The following MYT1L variants were observed in gnomAD, a reference collection of about 807,000 sequenced individuals.
The protein encoded by MYT1L is myelin transcription factor 1 like, also known as myelin transcription factor 1-like protein.
In MYT1L, 12 loss-of-function variants were observed where a neutral mutation model predicts 126.7. The observed-to-expected ratio is 0.09, with a 90% confidence interval of 0.06 to 0.15. MYT1L has a LOEUF of 0.15. Among genes scored for constraint, MYT1L ranks in the 10% least tolerant of loss-of-function variants. The pLI is 1.00. For synonymous variants in MYT1L, 541 were observed against 604.2 expected (o/e 0.90, Z 1.53); for missense variants, 979 against 1,585.2 (o/e 0.62, Z 6.49).
intron 3 of MYT1L, among the ~76,000 whole-genome samples, chr2:2,103,726 C>A (rs1287205483): frequency 6.6e-6 from 1 of 152,230 alleles, no homozygotes; most frequent in Non-Finnish European, 1.5e-5. Context: ...TCTTTTCTCA[C>A]TTATGCCCTG....
chr2:2,256,307 C>A (rs1408079794), intron 2 of MYT1L, among the ~76,000 whole-genome samples: 1 of 152,240 alleles, frequency 6.6e-6, no homozygotes, highest in Non-Finnish European at 1.5e-5. Context: ...CAGTGAGCAG[C>A]TTAGGCTTTC....
chr2:1,847,185 T>G (rs2042613225), intron 19 of MYT1L, among the ~76,000 whole-genome samples: 1 of 152,222 alleles, frequency 6.6e-6, no homozygotes, highest in Non-Finnish European at 1.5e-5. Flanking sequence ...AGCATCTCTG[T>G]GCCCGCGCAT....
At position 2,028,413 on chromosome 2, in the gene MYT1L, G is replaced by A. The variant is rs558429138; in HGVS notation, c.-158+25565C>T. 1.4e-4 allele frequency among the ~76,000 whole-genome samples: 21 copies of A among 152,276 alleles called. No homozygotes were observed. In the South Asian group the frequency reaches 3.5e-3, roughly 26 times the overall value. On this transcript the variant is annotated intron_variant, in intron 4 of 24. Coordinates refer to ENST00000647738, the MANE Select transcript of MYT1L (RefSeq NM_001303052.2). ...AATTGAAGGGACTGAATAGTAGATC[G>A]ACAGTCCTATCATTTTGAAGGTCAG...
chr2:2,008,477 T>C (rs1403629068), intron 4 of MYT1L, among the ~76,000 whole-genome samples: 1 of 152,256 alleles, frequency 6.6e-6, no homozygotes, highest in Non-Finnish European at 1.5e-5. Context: ...GACATTTTTA[T>C]TTGTTGTTTT....
At chr2:1,838,412 T>C (rs2041189922) in intron 21 of MYT1L, among the ~76,000 whole-genome samples, 1 of 152,194 alleles carries the variant, frequency 6.6e-6, no homozygotes, top group African/African-American at 2.4e-5. Flanking sequence ...GTGATTTTCG[T>C]AGAAAGTGGC....
At chr2:2,158,343 G>A (rs759606396) in intron 3 of MYT1L, among the ~76,000 whole-genome samples, 2 of 152,140 alleles carry the variant, frequency 1.3e-5, no homozygotes, top group East Asian at 1.9e-4. Flanking sequence ...GCAGACTCCC[G>A]GGGAGCTGTG....
chr2:2,032,168 G>C (rs1451516731), intron 4 of MYT1L, among the ~76,000 whole-genome samples: 1 of 96,086 alleles, frequency 1.0e-5, no homozygotes, highest in African/African-American at 4.9e-5. Flanking sequence ...CACACCCGTT[G>C]CCAGTGCCTC....
chr2:2,181,695 G>GTC lies in MYT1L; in HGVS notation c.-420-8708_-420-8707insGA, dbSNP rs576834009. Among the ~76,000 whole-genome samples the GTC allele has an allele frequency of 2.7e-4, 41 of 152,302 alleles. No homozygotes were observed. The East Asian group carries it at 7.3e-3, about 27-fold the overall frequency. ...TGCCAAGGACTGGGGGTGCTCCCCT[G>GTC]CTCTCTAAACCTGCAGCCTTTTCCT... On this transcript the variant is annotated intron_variant, in intron 2 of 24. Transcript: ENST00000647738.
chr2:2,033,719 G>C (rs936703107), intron 4 of MYT1L, among the ~76,000 whole-genome samples: 3 of 152,166 alleles, frequency 2.0e-5, no homozygotes, highest in Non-Finnish European at 4.4e-5. Flanking sequence ...CAACTCTCCA[G>C]GGACGGTGAT....
chr2:1,825,997 C>A (rs915761495), intron 21 of MYT1L: 9 of 152,226 alleles, frequency 5.9e-5, no homozygotes, highest in African/African-American at 2.2e-4. Flanking sequence ...GACCTGGGGG[C>A]CTCATCCGCG....
chr2:2,282,517 G>T (rs1475504641), intron 2 of MYT1L, among the ~76,000 whole-genome samples: 1 of 152,140 alleles, frequency 6.6e-6, no homozygotes, highest in Non-Finnish European at 1.5e-5. Context: ...AATGAAGCAG[G>T]ATTGTAAAGA....
rs1219080572 is a variant in MYT1L at position 1,943,969 on chromosome 2, G to T, written c.153-635C>A. Among the ~76,000 whole-genome samples the T allele has an allele frequency of 6.6e-6, 1 of 152,084 alleles. No homozygotes were observed. Among genetic ancestry groups the T allele is most frequent in the Non-Finnish European group, 1.5e-5 (1 of 68,008 alleles). ...CAGTCTTAGATGTTATTAGTCCCAC[G>T]CCAGCATTCCAGAAAACAACTTCAG... On this transcript the variant is annotated intron_variant, in intron 8 of 24. Coordinates refer to ENST00000647738, the MANE Select transcript of MYT1L (RefSeq NM_001303052.2). The surrounding 1 kb of genome is among the most constrained non-coding windows in gnomAD (Gnocchi z 4.4).
At chr2:2,096,162 G>C (rs890147296) in intron 3 of MYT1L, among the ~76,000 whole-genome samples, 3 of 152,240 alleles carry the variant, frequency 2.0e-5, no homozygotes, top group African/African-American at 4.8e-5. Flanking sequence ...TCAGAAGAAA[G>C]AGACATTGAA....
chr2:2,121,397 G>T (rs1203705274), intron 3 of MYT1L, among the ~76,000 whole-genome samples: 2 of 151,954 alleles, frequency 1.3e-5, no homozygotes, highest in Non-Finnish European at 2.9e-5. Context: ...GGCTGGTCTT[G>T]GACTCCTGAC....
intron 1 of MYT1L, among the ~76,000 whole-genome samples, chr2:2,299,120 G>T (rs1373799382): frequency 1.2e-4 from 18 of 152,180 alleles, no homozygotes; most frequent in Admixed American, 1.2e-3. Flanking sequence ...CCAAAGTGCT[G>T]GGATTACAGG....
At chr2:1,956,980 G>A (rs962487790) in intron 8 of MYT1L, among the ~76,000 whole-genome samples, 7 of 152,274 alleles carry the variant, frequency 4.6e-5, no homozygotes, top group South Asian at 2.1e-4. Flanking sequence ...TCTGCAGCCC[G>A]TGGCTCTGTG....
chr2:2,163,625 G>A (rs1451122423), intron 3 of MYT1L, among the ~76,000 whole-genome samples: 18 of 151,664 alleles, frequency 1.2e-4, no homozygotes, highest in Non-Finnish European at 1.8e-4. Context: ...CCAGCTACTC[G>A]GGAGGCTGAG....
chr2:1,901,814 C>T (rs1235779152), intron 14 of MYT1L, among the ~76,000 whole-genome samples: 1 of 152,152 alleles, frequency 6.6e-6, no homozygotes, highest in Non-Finnish European at 1.5e-5. Context: ...CATGAGCCAC[C>T]ATGCCCGGCT....
chr2:2,132,429 G>A (rs928210682), intron 3 of MYT1L, among the ~76,000 whole-genome samples: 6 of 152,160 alleles, frequency 3.9e-5, no homozygotes, highest in Admixed American at 2.6e-4. Context: ...TCCTTTGCAG[G>A]GATATGGATG....
Sources: allele counts gnomAD v4.1 joint callset (sites outside exome capture counted in the v4.1 genomes callset), GRCh38; gene constraint gnomAD v4.1.1; non-coding constraint Gnocchi (gnomAD v3.1); transcripts MANE v1.5; gene names NCBI Gene and HGNC (gene_info 2026-07-23, HGNC 2026-07-21).